ANKS1B: variants seen among roughly 807,000 people sequenced by gnomAD.
ANKS1B encodes ankyrin repeat and sterile alpha motif domain-containing protein 1B.
A neutral mutation model predicts 148.3 loss-of-function variants in ANKS1B; 36 were observed. The ratio of observed to expected loss-of-function variants is 0.24; its 90% CI spans 0.19 to 0.32. The LOEUF (loss-of-function observed/expected upper bound fraction) is 0.32, where lower values mean the gene tolerates loss of function less well. Ranked by LOEUF, ANKS1B falls within the 10% of genes least tolerant of loss-of-function variation. The pLI is 1.00. For missense variants in ANKS1B, 1,157 were observed against 1,542.6 expected, an observed-to-expected ratio of 0.75 and a Z score of 4.19; for synonymous variants, 542 against 560.8, an observed-to-expected ratio of 0.97 and a Z score of 0.47.
intron 17 of ANKS1B, among the ~76,000 whole-genome samples, chr12:99,036,065 C>A (rs2099955366): frequency 6.6e-6 from 1 of 152,146 alleles, no homozygotes; most frequent in African/African-American, 2.4e-5. Context: ...AGGGCCTGCA[C>A]CTCTCTGCAT....
chr12:99,521,858 C>T (rs1384993602), intron 9 of ANKS1B, among the ~76,000 whole-genome samples: 2 of 152,078 alleles, frequency 1.3e-5, no homozygotes, highest in Non-Finnish European at 2.9e-5. Context: ...GGGTCTTGCC[C>T]CACACACACT....
chr12:99,666,597 T>G (rs1299273578), intron 8 of ANKS1B, among the ~76,000 whole-genome samples: 1 of 152,078 alleles, frequency 6.6e-6, no homozygotes, highest in Non-Finnish European at 1.5e-5. Flanking sequence ...AATATTTTTA[T>G]AGTCTTCAGT....
chr12:99,091,612 T>C (rs1477817881), intron 15 of ANKS1B, among the ~76,000 whole-genome samples: 2 of 152,222 alleles, frequency 1.3e-5, no homozygotes, highest in African/African-American at 2.4e-5. Flanking sequence ...AACTTTTTTG[T>C]ATGCTCTTAC....
intron 17 of ANKS1B, among the ~76,000 whole-genome samples, chr12:98,966,434 CT>C (rs1260950885): frequency 6.6e-6 from 1 of 152,176 alleles, no homozygotes; most frequent in Non-Finnish European, 1.5e-5. Flanking sequence ...AATAGGAACA[CT>C]TTTACACTGT....
chr12:99,875,804 G>A (rs117022739), intron 1 of ANKS1B, among the ~76,000 whole-genome samples: 1 of 152,332 alleles, frequency 6.6e-6, no homozygotes, highest in East Asian at 1.9e-4. Context: ...AACAAGCACT[G>A]AGAAACAATG....
intron 1 of ANKS1B, among the ~76,000 whole-genome samples, chr12:99,946,022 G>C (rs1053534594): frequency 6.6e-6 from 1 of 152,184 alleles, no homozygotes; most frequent in Admixed American, 6.5e-5. Flanking sequence ...GAGGGAGGCT[G>C]CCATGGAGAA....
intron 8 of ANKS1B, among the ~76,000 whole-genome samples, chr12:99,762,013 G>C (rs1048599016): frequency 3.3e-5 from 5 of 151,704 alleles, no homozygotes; most frequent in Non-Finnish European, 7.4e-5. Flanking sequence ...TCTACAATGA[G>C]AACTACAAAA....
intron 9 of ANKS1B, chr12:99,647,947 A>T (rs2098387646): frequency 1.7e-6 from 1 of 587,604 alleles, no homozygotes; most frequent in Non-Finnish European, 2.9e-6. Context: ...CCATGCACTA[A>T]GCAGGGCACA....
intron 1 of ANKS1B, among the ~76,000 whole-genome samples, chr12:99,930,191 T>C (rs1426237243): frequency 1.3e-5 from 2 of 151,736 alleles, no homozygotes; most frequent in Non-Finnish European, 2.9e-5. Context: ...TGGTTTGTAG[T>C]TCTCCTTGAA....
chr12:98,790,038 T>C (rs2153549712), intron 22 of ANKS1B, among the ~76,000 whole-genome samples: 1 of 152,334 alleles, frequency 6.6e-6, no homozygotes, highest in Non-Finnish European at 1.5e-5. Flanking sequence ...TTCCTGTTTT[T>C]CTATTTTAGA....
At chr12:99,694,142 T>C (rs1342506205) in intron 8 of ANKS1B, among the ~76,000 whole-genome samples, 1 of 149,858 alleles carries the variant, frequency 6.7e-6, no homozygotes, top group African/African-American at 2.4e-5. Flanking sequence ...GCATTAGAAT[T>C]GTCAGACTAT....
chr12:99,604,744 G>A (rs1003382516), intron 9 of ANKS1B, among the ~76,000 whole-genome samples: 43 of 151,124 alleles, frequency 2.8e-4, no homozygotes, highest in African/African-American at 1.0e-3. Flanking sequence ...GAACCCGGGA[G>A]GTGGAGGTTG....
chr12:99,676,179 T>A lies in ANKS1B; in HGVS notation c.1129-20969A>T, dbSNP rs369225945. 2.0e-4 allele frequency among the ~76,000 whole-genome samples: 30 copies of A among 152,292 alleles called. No individual in the cohort carries two copies. The East Asian group carries it at 4.6e-3, about 23-fold the overall frequency. On this transcript the variant is annotated intron_variant, in intron 8 of 26. Coordinates refer to ENST00000683438, the MANE Select transcript of ANKS1B (RefSeq NM_001352186.2). ...GACATGTTTGCTTCCCCTTCTGCCA[T>A]TGTTTTAAGTTTCCTGAGGCTTCCC...
chr12:99,934,950 C>CT (rs1209638009), intron 1 of ANKS1B, among the ~76,000 whole-genome samples: 2 of 152,058 alleles, frequency 1.3e-5, no homozygotes, highest in Non-Finnish European at 2.9e-5. Context: ...GACTGGGGGA[C>CT]TGGTGATCTG....
intron 12 of ANKS1B, among the ~76,000 whole-genome samples, chr12:99,355,049 T>C (rs1046096083): frequency 6.6e-6 from 1 of 152,140 alleles, no homozygotes; most frequent in African/African-American, 2.4e-5. Context: ...CTAATACTTA[T>C]TGAGTGCTTA....
chr12:99,300,385 C>A (rs925811502), intron 12 of ANKS1B, among the ~76,000 whole-genome samples: 1 of 151,880 alleles, frequency 6.6e-6, no homozygotes, highest in Non-Finnish European at 1.5e-5. Context: ...ATGTAGATGA[C>A]ATGTTATGCT....
chr12:99,053,516 C>T (rs1272298306), intron 16 of ANKS1B, among the ~76,000 whole-genome samples: 2 of 152,270 alleles, frequency 1.3e-5, no homozygotes, highest in Non-Finnish European at 2.9e-5. Flanking sequence ...AAAATATACA[C>T]AGAAATTTCC....
chr12:98,965,699 G>C (rs1439683094), intron 17 of ANKS1B, among the ~76,000 whole-genome samples: 2 of 152,150 alleles, frequency 1.3e-5, no homozygotes, highest in Non-Finnish European at 2.9e-5. Context: ...CCAAAACAGA[G>C]ATAGAGACCA....
chr12:98,841,918 G>A lies in ANKS1B; in HGVS notation c.2779-9782C>T, dbSNP rs1051235914. 2.0e-5 allele frequency among the ~76,000 whole-genome samples: 3 copies of A among 151,684 alleles called. No individual in the cohort carries two copies. The East Asian group carries it at 5.8e-4, about 30-fold the overall frequency. On this transcript the variant is annotated intron_variant, in intron 17 of 26. Coordinates refer to ENST00000683438, the MANE Select transcript of ANKS1B (RefSeq NM_001352186.2). Reference sequence around the variant, plus strand: ...AGAATGGCTAATGTTAGAAAAGAATGACCCTACCTCGGATGATAAGGATGT... The same window carrying A: ...AGAATGGCTAATGTTAGAAAAGAATAACCCTACCTCGGATGATAAGGATGT...
Sources: gnomAD v4.1 joint callset for allele counts (sites outside exome capture counted in the v4.1 genomes callset) on GRCh38, gnomAD v4.1.1 for gene constraint, MANE v1.5 for transcripts, NCBI Gene and HGNC (gene_info 2026-07-23, HGNC 2026-07-21) for gene names.